MYO5B: variants seen among roughly 807,000 people sequenced by gnomAD.
MYO5B encodes unconventional myosin-Vb.
A neutral mutation model predicts 229.3 loss-of-function variants in MYO5B; 143 were observed. The ratio of observed to expected loss-of-function variants is 0.62; its 90% CI spans 0.54 to 0.72. The LOEUF is 0.72. Among genes scored for constraint, MYO5B ranks in the 30% least tolerant of loss-of-function variants. The pLI, the probability that MYO5B is intolerant of heterozygous loss-of-function variation, is 0.00. For missense variants in MYO5B, 2,321 were observed against 2,331.0 expected (o/e 1.00, Z 0.09); for synonymous variants, 918 against 885.2 (o/e 1.04, Z -0.66).
At chr18:49,994,653 T>C (rs1332921200) in intron 5 of MYO5B, among the ~76,000 whole-genome samples, 1 of 152,148 alleles carries the variant, frequency 6.6e-6, no homozygotes, top group Admixed American at 6.5e-5. Flanking sequence ...TGGAAGAGTT[T>C]ACGTAATCAG....
rs34172106 is a variant in MYO5B, at chr18:50,021,718, T to TAAAAA, written c.455+15127_455+15131dup. On this transcript the variant is annotated intron_variant, in intron 4 of 39. Coordinates refer to ENST00000285039, the MANE Select transcript of MYO5B (RefSeq NM_001080467.3). ...TCCACAACACCCCATCCCATCTGCGTAAAAAAAAAAAAAAAAAAAATCTTA... is the reference window on the plus strand; with the variant it reads ...TCCACAACACCCCATCCCATCTGCGTAAAAAAAAAAAAAAAAAAAAAAAAATCTTA... Among the ~76,000 whole-genome samples, 190 of 119,546 alleles carry TAAAAA rather than the reference T, an allele frequency of 1.6e-3. 4 individuals are homozygous for TAAAAA. Among genetic ancestry groups the TAAAAA allele is most frequent in the African/African-American group, 2.5e-3 (76 of 30,914 alleles). 78.4% of individuals were successfully genotyped at this position (119,546 alleles called of 152,430 possible). A position where few individuals can be genotyped will look rare whatever the true frequency, so the allele number is the denominator to read the frequency against.
intron 1 of MYO5B, among the ~76,000 whole-genome samples, chr18:50,067,209 A>G (rs2030842832): frequency 6.6e-6 from 1 of 152,208 alleles, no homozygotes; most frequent in African/African-American, 2.4e-5. Flanking sequence ...CATCTTCTCA[A>G]TCTAAAACTT....
intron 5 of MYO5B, among the ~76,000 whole-genome samples, chr18:50,000,701 T>C (rs1217135798): frequency 6.6e-6 from 1 of 152,204 alleles, no homozygotes; most frequent in Non-Finnish European, 1.5e-5. Context: ...AAGACACAGA[T>C]GGGGCCTGCC....
intron 7 of MYO5B, among the ~76,000 whole-genome samples, chr18:49,987,611 T>C (rs1307283281): frequency 1.3e-5 from 2 of 152,116 alleles, no homozygotes; most frequent in Non-Finnish European, 2.9e-5. Context: ...ACCCAGTGAT[T>C]AGAGCACCGG....
chr18:50,087,167 A>G (rs576584525), intron 1 of MYO5B, among the ~76,000 whole-genome samples: 42 of 152,314 alleles, frequency 2.8e-4, no homozygotes, highest in African/African-American at 8.4e-4. Context: ...CCTTAAAGCC[A>G]CAGCCAGGTA....
At chr18:49,894,167 G>A (rs937220829) in intron 22 of MYO5B, among the ~76,000 whole-genome samples, 1 of 152,048 alleles carries the variant, frequency 6.6e-6, no homozygotes, top group Non-Finnish European at 1.5e-5. Context: ...CCAACACCCT[G>A]AACACTGGAT....
At chr18:49,865,583 CT>C (rs2024386638) in intron 27 of MYO5B, among the ~76,000 whole-genome samples, 1 of 152,128 alleles carries the variant, frequency 6.6e-6, no homozygotes, top group Admixed American at 6.5e-5. Flanking sequence ...GGAGGCAGCC[CT>C]GGGTCCCCTC....
At chr18:50,127,573 G>C (rs747496931) in intron 1 of MYO5B, among the ~76,000 whole-genome samples, 1 of 152,160 alleles carries the variant, frequency 6.6e-6, no homozygotes, top group African/African-American at 2.4e-5. Flanking sequence ...CTGGTGGAGC[G>C]CATAAAAGGT....
intron 7 of MYO5B, among the ~76,000 whole-genome samples, chr18:49,989,066 C>T (rs1438414092): frequency 1.3e-5 from 2 of 152,168 alleles, no homozygotes; most frequent in Admixed American, 6.5e-5. Flanking sequence ...GCCCTTAGCA[C>T]TCTGCATCAT....
chr18:49,860,824 A>G (rs1344349602), intron 29 of MYO5B, among the ~76,000 whole-genome samples: 1 of 152,194 alleles, frequency 6.6e-6, no homozygotes, highest in Admixed American at 6.5e-5. Flanking sequence ...TAAACAGTAG[A>G]ACTCTCCATT....
intron 1 of MYO5B, among the ~76,000 whole-genome samples, chr18:50,154,091 C>G (rs1333161061): frequency 3.3e-5 from 5 of 152,152 alleles, no homozygotes; most frequent in Non-Finnish European, 7.3e-5. Context: ...AAAGCCTTCT[C>G]TATGTAACAT....
At chr18:49,862,425 G>A (rs1019889436) in intron 29 of MYO5B, among the ~76,000 whole-genome samples, 1 of 152,198 alleles carries the variant, frequency 6.6e-6, no homozygotes, top group African/African-American at 2.4e-5. Flanking sequence ...TTACACAGGT[G>A]ATAGGAGCTC....
At chr18:50,076,848 T>C (rs912316941) in intron 1 of MYO5B, among the ~76,000 whole-genome samples, 2 of 151,588 alleles carry the variant, frequency 1.3e-5, no homozygotes, top group Non-Finnish European at 2.9e-5. Flanking sequence ...ATAATTGTGA[T>C]GAAAACCAGT....
intron 29 of MYO5B, among the ~76,000 whole-genome samples, chr18:49,861,127 C>T (rs1377124642): frequency 6.6e-6 from 1 of 152,230 alleles, no homozygotes; most frequent in Non-Finnish European, 1.5e-5. Context: ...CCCAGGGCAG[C>T]CAGCTCCTTT....
chr18:49,990,643 C>T, intron 6 of MYO5B, 123 bp from the exon 7 acceptor site: 1 of 763,208 alleles, frequency 1.3e-6, no homozygotes, highest in Non-Finnish European at 2.3e-6. Flanking sequence ...CCAGTGTTTT[C>T]CTCCACACCT....
rs767756611 is a variant in MYO5B, at chr18:49,906,604, G to T, written c.2229C>A (p.Arg743=). 5 of 1,614,076 alleles carry T rather than the reference G, an allele frequency of 3.1e-6. No homozygotes were observed. The highest frequency in any genetic ancestry group is 1.1e-5 in the South Asian group (1 of 91,080). The change falls in exon 19 of 40, where the codon CGC becomes CGA. Residue 743 remains arginine, a synonymous_variant. Transcript: ENST00000285039. ...IKDPDKFQFG[R]TKIFFRAGQV... ...GGCCTGCTCGAAAGAAGATCTTGGT[G>T]CGGCCAAACTGGAACTTGTCGGGGT...
At chr18:49,930,084 G>T (rs955707944) in intron 16 of MYO5B, among the ~76,000 whole-genome samples, 2 of 152,180 alleles carry the variant, frequency 1.3e-5, no homozygotes, top group African/African-American at 4.8e-5. Flanking sequence ...TACCAGCTGG[G>T]TGTCTACTTT....
intron 25 of MYO5B, 86 bp downstream of exon 25, chr18:49,877,677 G>C: frequency 6.3e-7 from 1 of 1,585,574 alleles, no homozygotes; most frequent in Non-Finnish European, 8.6e-7. Flanking sequence ...CAGCAGAAGA[G>C]TAAATTTCTC....
intron 32 of MYO5B, among the ~76,000 whole-genome samples, chr18:49,847,588 C>T (rs562966364): frequency 1.3e-5 from 2 of 152,372 alleles, no homozygotes; most frequent in South Asian, 4.1e-4. Flanking sequence ...AGGCAGGTTT[C>T]AGACCAGAGA....
Sources: allele counts gnomAD v4.1 joint callset (sites outside exome capture counted in the v4.1 genomes callset), GRCh38; gene constraint gnomAD v4.1.1; transcripts MANE v1.5; gene names NCBI Gene and HGNC (gene_info 2026-07-23, HGNC 2026-07-21).